RBFOX1: variants seen among roughly 807,000 people sequenced by gnomAD.
RBFOX1 encodes RNA binding protein fox-1 homolog 1.
In RBFOX1, 8 loss-of-function variants were observed where a neutral mutation model predicts 57.7. The ratio of observed to expected loss-of-function variants is 0.14; its 90% confidence interval spans 0.08 to 0.25. The LOEUF is 0.25. Ranked by LOEUF, RBFOX1 falls within the 10% of genes least tolerant of loss-of-function variation. RBFOX1 has a pLI of 1.00. For missense variants in RBFOX1, 611 were observed against 548.5 expected, an observed-to-expected ratio of 1.11 and a Z score of -1.14; for synonymous variants, 326 against 222.4, an observed-to-expected ratio of 1.47 and a Z score of -4.15.
At chr16:7,371,956 C>A (rs1159176869) in intron 4 of RBFOX1, among the ~76,000 whole-genome samples, 1 of 151,506 alleles carries the variant, frequency 6.6e-6, no homozygotes, top group African/African-American at 2.4e-5. Context: ...TTAAGTCATT[C>A]CCTTAATTCC....
chr16:7,701,415 G>C (rs1598445315), intron 14 of RBFOX1, among the ~76,000 whole-genome samples: 1 of 152,252 alleles, frequency 6.6e-6, no homozygotes, highest in South Asian at 2.1e-4. Flanking sequence ...TCTCATGGGA[G>C]CACCAACCCT....
chr16:6,847,414 C>G (rs148380455), intron 3 of RBFOX1, among the ~76,000 whole-genome samples: 1 of 151,902 alleles, frequency 6.6e-6, no homozygotes, highest in Non-Finnish European at 1.5e-5. Flanking sequence ...GGGAAGCAGC[C>G]GTCTAGACTG....
In RBFOX1 at chr16:6,859,129, A is replaced by ATATG. The variant is rs1567592071; in HGVS notation, c.-15-192928_-15-192927insTATG. ...AAAAAGTGTATATATATATATATATACATATATATACGTATATATATATGT... is the reference window on the plus strand; with the variant it reads ...AAAAAGTGTATATATATATATATATATATGCATATATATACGTATATATATATGT... On this transcript the variant is annotated intron_variant, in intron 3 of 15. Coordinates refer to ENST00000550418, the MANE Select transcript of RBFOX1 (RefSeq NM_018723.4). Among the ~76,000 whole-genome samples, 6 of 75,684 alleles carry ATATG rather than the reference A, an allele frequency of 7.9e-5. 1 individual carries two copies. Among genetic ancestry groups the ATATG allele is most frequent in the East Asian group, 4.8e-4 (1 of 2,104 alleles). The allele number at this position is 75,684 out of a possible 152,430, so 49.7% of individuals were successfully genotyped here. A position where few individuals can be genotyped will look rare whatever the true frequency, so the allele number is the denominator to read the frequency against.
At chr16:7,213,006 C>G (rs552144580) in intron 4 of RBFOX1, among the ~76,000 whole-genome samples, 1 of 152,190 alleles carries the variant, frequency 6.6e-6, no homozygotes, top group South Asian at 2.1e-4. Flanking sequence ...TCTTGTAAGG[C>G]AAATATGATT....
At position 7,172,599 on chromosome 16, in the gene RBFOX1, G is replaced by T. The variant is rs2080912071; in HGVS notation, c.27+120501G>T. Among the ~76,000 whole-genome samples, 2 of 148,944 alleles carry T rather than the reference G, an allele frequency of 1.3e-5. 1 individual carries two copies. Among genetic ancestry groups the T allele is most frequent in the South Asian group, 4.2e-4 (2 of 4,714 alleles). ...TTCCTGTTGTTTCCTTCATATTGGA[G>T]AAAAAAAAAAGAAAACTCTCTCTTA... On this transcript the variant is annotated intron_variant, in intron 4 of 15. Coordinates refer to ENST00000550418, the MANE Select transcript of RBFOX1 (RefSeq NM_018723.4).
chr16:5,977,698 C>T (rs1488958019), intron 4 of RBFOX1, among the ~76,000 whole-genome samples: 1 of 152,034 alleles, frequency 6.6e-6, no homozygotes, highest in Non-Finnish European at 1.5e-5. Flanking sequence ...CTGTTTTGAA[C>T]TGCAAGAAAA....
At chr16:6,966,757 GTCTGTCTATCTATCTA>G (rs1372920727) in intron 3 of RBFOX1, among the ~76,000 whole-genome samples, 2 of 99,958 alleles carry the variant, frequency 2.0e-5, no homozygotes, top group East Asian at 5.9e-4. Flanking sequence ...CTATCTGTCT[GTCTGTCTATCTATCTA>G]TCTATCTATC....
At chr16:6,589,440 C>T (rs538806605) in intron 2 of RBFOX1, among the ~76,000 whole-genome samples, 1 of 152,258 alleles carries the variant, frequency 6.6e-6, no homozygotes, top group East Asian at 1.9e-4. Context: ...GCTGACTGGT[C>T]AGGTTGGAGA....
At chr16:7,691,059 A>G (rs964272609) in intron 14 of RBFOX1, among the ~76,000 whole-genome samples, 16 of 152,150 alleles carry the variant, frequency 1.1e-4, no homozygotes, top group African/African-American at 3.9e-4. Context: ...ATAGAAAGGC[A>G]CTTTCTGACA....
chr16:5,968,882 C>G (rs1370805226), intron 4 of RBFOX1, among the ~76,000 whole-genome samples: 1 of 151,998 alleles, frequency 6.6e-6, no homozygotes, highest in East Asian at 1.9e-4. Context: ...CTTGAATCTT[C>G]TTTTTATTTA....
At chr16:7,340,101 C>T (rs1243264400) in intron 4 of RBFOX1, among the ~76,000 whole-genome samples, 1 of 152,180 alleles carries the variant, frequency 6.6e-6, no homozygotes, top group Non-Finnish European at 1.5e-5. Context: ...TCTCTGGTTG[C>T]CCACTTTAGA....
intron 1 of RBFOX1, among the ~76,000 whole-genome samples, chr16:6,139,302 G>C (rs1379359057): frequency 1.3e-5 from 2 of 152,146 alleles, no homozygotes; most frequent in African/African-American, 4.8e-5. Flanking sequence ...GGAAGTATAA[G>C]GAGGTGGAAA....
chr16:6,823,466 A>C (rs2091660840), intron 3 of RBFOX1, among the ~76,000 whole-genome samples: 2 of 152,076 alleles, frequency 1.3e-5, no homozygotes, highest in Non-Finnish European at 2.9e-5. Context: ...CATGTTGGCC[A>C]CGCTAGTCTC....
chr16:6,849,868 C>T (rs554024136), intron 3 of RBFOX1, among the ~76,000 whole-genome samples: 3 of 152,114 alleles, frequency 2.0e-5, no homozygotes, highest in African/African-American at 7.2e-5. Context: ...CCTACCCTGC[C>T]ACTTAACTCT....
At chr16:6,500,318 C>G (rs547293538) in intron 2 of RBFOX1, among the ~76,000 whole-genome samples, 4 of 152,270 alleles carry the variant, frequency 2.6e-5, no homozygotes, top group African/African-American at 9.6e-5. Context: ...TATACACATT[C>G]TATTTTGCTG....
At chr16:6,124,360 G>A (rs2096573398) in intron 1 of RBFOX1, among the ~76,000 whole-genome samples, 1 of 152,128 alleles carries the variant, frequency 6.6e-6, no homozygotes, top group South Asian at 2.1e-4. Context: ...CTGACCCTCT[G>A]CTATTGGAGT....
chr16:6,127,231 A>G (rs1201854887), intron 1 of RBFOX1, among the ~76,000 whole-genome samples: 1 of 152,088 alleles, frequency 6.6e-6, no homozygotes, highest in African/African-American at 2.4e-5. Context: ...TTGGGTTTAA[A>G]CAGCAGAACA....
intron 3 of RBFOX1, among the ~76,000 whole-genome samples, chr16:6,724,372 G>A (rs1603462259): frequency 2.0e-5 from 3 of 152,030 alleles, no homozygotes; most frequent in Admixed American, 2.0e-4. Flanking sequence ...AGCATGCCCA[G>A]CAAATTTTTA....
At chr16:7,308,279 C>G (rs936338782) in intron 4 of RBFOX1, among the ~76,000 whole-genome samples, 2 of 138,832 alleles carry the variant, frequency 1.4e-5, no homozygotes, top group African/African-American at 5.4e-5. Flanking sequence ...AACTGCGTGT[C>G]AGATTCCACC....
Sources: gnomAD v4.1 joint callset for allele counts (sites outside exome capture counted in the v4.1 genomes callset) on GRCh38, gnomAD v4.1.1 for gene constraint, MANE v1.5 for transcripts, NCBI Gene and HGNC (gene_info 2026-07-23, HGNC 2026-07-21) for gene names.